The following CFI variants were observed in gnomAD, a reference collection of about 807,000 sequenced individuals.
CFI encodes the protein complement factor I.
In CFI, 66 loss-of-function variants were observed where a neutral mutation model predicts 78.8. The observed-to-expected ratio is 0.84, with a 90% confidence interval of 0.69 to 1.03. The LOEUF is 1.03. Among genes scored for constraint, CFI ranks in the 50% least tolerant of loss-of-function variants. CFI has a pLI of 0.00. For missense variants in CFI, 706 were observed against 704.5 expected (o/e 1.00, Z -0.02); for synonymous variants, 250 against 232.6 (o/e 1.07, Z -0.68).
In CFI at chr4:109,741,075, C is replaced by A. The variant is rs1289756969; in HGVS notation, c.1570G>T (p.Asp524Tyr). The A allele has an allele frequency of 3.1e-6, 5 of 1,614,158 alleles. No individual in the cohort carries two copies. Among genetic ancestry groups the A allele is most frequent in the Non-Finnish European group, 4.2e-6 (5 of 1,180,010 alleles). ...ATACAGACTAAGGGGCCTCCAGAGT[C>A]CCCTTTACAGGCATCGATGGAACCA... is the stretch of plus-strand genomic sequence containing the variant. ...YDGSIDACKGDSGGPLVCMDA... is the reference protein window; with the variant it reads ...YDGSIDACKGYSGGPLVCMDA... The change falls in exon 13 of 13, where the codon GAC becomes TAC. Residue 524 changes from aspartate (D) to tyrosine (Y), a missense_variant. By Grantham distance (160) the Asp-to-Tyr change is radical. Transcript: ENST00000394634.
rs1269756063 is a variant in CFI, at chr4:109,775,195, T to C, written c.58-8371A>G. ...AGTGGGTACAGCCCATGGAGCAGGG[T>C]GGGGCATCGCCTCACCCGGGAAGTG... On this transcript the variant is annotated intron_variant, in intron 1 of 12. Transcript: ENST00000394634. Among the ~76,000 whole-genome samples the C allele has an allele frequency of 2.6e-5, 4 of 151,932 alleles. No homozygotes were observed. In the South Asian group the frequency reaches 8.3e-4, roughly 32 times the overall value.
intron 2 of CFI, 92 bp downstream of exon 2, chr4:109,766,462 A>G: frequency 6.8e-7 from 1 of 1,475,994 alleles, no homozygotes; most frequent in Non-Finnish European, 9.4e-7. Context: ...TGTCATCATA[A>G]CATACACAAG....
chr4:109,780,333 G>A (rs28828376), intron 1 of CFI, among the ~76,000 whole-genome samples: 2,163 of 152,160 alleles, frequency 0.014, 50 homozygotes, highest in African/African-American at 0.05. Flanking sequence ...AAAAGTGGTC[G>A]AAGGATATGA....
intron 1 of CFI, among the ~76,000 whole-genome samples, chr4:109,768,158 G>A (rs1475532590): frequency 4.0e-5 from 6 of 149,682 alleles, no homozygotes; most frequent in Non-Finnish European, 7.4e-5. Context: ...GGGAAGGATA[G>A]CATTTGGAGA....
intron 1 of CFI, among the ~76,000 whole-genome samples, chr4:109,786,705 C>T (rs953952614): frequency 4.6e-5 from 7 of 152,040 alleles, no homozygotes; most frequent in African/African-American, 1.7e-4. Context: ...TGACTTTATC[C>T]TTCTGATCCT....
chr4:109,752,904 A>G (rs1160478768), intron 7 of CFI, among the ~76,000 whole-genome samples: 7 of 128,088 alleles, frequency 5.5e-5, no homozygotes, highest in South Asian at 2.1e-4. Context: ...TTTATTATAT[A>G]AATAAATATT....
chr4:109,755,287 A>G (rs10020460), intron 7 of CFI, among the ~76,000 whole-genome samples: 147,691 of 152,262 alleles, frequency 0.97, 71,795 homozygotes, highest in East Asian at 1. Context: ...GGGTTGAAGA[A>G]AACCCGCAGG....
chr4:109,790,049 T>C (rs578206541), intron 1 of CFI, among the ~76,000 whole-genome samples: 1 of 152,208 alleles, frequency 6.6e-6, no homozygotes, highest in African/African-American at 2.4e-5. Context: ...TGGTGATTTG[T>C]GTGTTTCTAG....
downstream of CFI, among the ~76,000 whole-genome samples, chr4:109,738,141 G>A (rs137960623): frequency 4.3e-3 from 609 of 142,670 alleles, 4 homozygotes; most frequent in African/African-American, 0.015. Context: ...TTAAGACGAG[G>A]TCTTGATCTG....
At chr4:109,760,035 T>C in intron 6 of CFI, 1 of 664,286 alleles carries the variant, frequency 1.5e-6, no homozygotes, top group Admixed American at 2.1e-5. Flanking sequence ...TAATGGTCTA[T>C]TTTTTGTATG....
chr4:109,797,779 A>G (rs1336035301), intron 1 of CFI, among the ~76,000 whole-genome samples: 1 of 152,234 alleles, frequency 6.6e-6, no homozygotes, highest in Non-Finnish European at 1.5e-5. Context: ...TTCTTCAAAT[A>G]AGATATGTAA....
At chr4:109,757,731 T>C in intron 7 of CFI, 32 bp downstream of exon 7, 1 of 1,353,480 alleles carries the variant, frequency 7.4e-7, no homozygotes, top group Non-Finnish European at 1.0e-6. Context: ...TTTCAATTTT[T>C]TAATATCCCC....
At chr4:109,736,654 C>T (rs996677154), downstream of CFI, among the ~76,000 whole-genome samples, 4 of 152,092 alleles carry the variant, frequency 2.6e-5, no homozygotes, top group Non-Finnish European at 4.4e-5. Context: ...TTTGTATGCA[C>T]AATGTAAGAT....
At chr4:109,743,693 T>A (rs1442395346) in intron 11 of CFI, among the ~76,000 whole-genome samples, 2 of 152,134 alleles carry the variant, frequency 1.3e-5, no homozygotes, top group Non-Finnish European at 2.9e-5. Context: ...ATGAAGTACA[T>A]GGAATAAGGG....
rs116884041 is a variant in CFI, at chr4:109,777,223, A to T, written c.58-10399T>A. Among the ~76,000 whole-genome samples, 13 of 152,328 alleles carry T rather than the reference A, an allele frequency of 8.5e-5. No individual in the cohort carries two copies. In the East Asian group the frequency reaches 2.5e-3, roughly 29 times the overall value. ...ACCCATCAGTGTGCTGTATTCGGGAAACGCATCTATGTGTGCAGAGACACA... is the reference window on the plus strand; with the variant it reads ...ACCCATCAGTGTGCTGTATTCGGGATACGCATCTATGTGTGCAGAGACACA... On this transcript the variant is annotated intron_variant, in intron 1 of 12. Coordinates refer to ENST00000394634, the MANE Select transcript of CFI (RefSeq NM_000204.5).
chr4:109,735,345 T>G, the CFI span, among the ~76,000 whole-genome samples: 1 of 152,210 alleles, frequency 6.6e-6, no homozygotes, highest in East Asian at 1.9e-4. Context: ...CCAAATGGTT[T>G]CTTCTATATA....
chr4:109,743,146 A>G (rs1724007711), intron 11 of CFI, among the ~76,000 whole-genome samples: 1 of 152,076 alleles, frequency 6.6e-6, no homozygotes, highest in African/African-American at 2.4e-5. Context: ...GATCTGCCCC[A>G]CTCAGCCTCC....
intron 1 of CFI, chr4:109,794,097 A>C (rs1259332293): frequency 6.6e-6 from 1 of 152,154 alleles, no homozygotes; most frequent in East Asian, 1.9e-4. Flanking sequence ...ATTTGATTAT[A>C]ATGTGTCTTG....
intron 1 of CFI, among the ~76,000 whole-genome samples, chr4:109,767,184 G>A (rs1251533927): frequency 6.6e-6 from 1 of 152,092 alleles, no homozygotes; most frequent in African/African-American, 2.4e-5. Flanking sequence ...AACCCTAGAA[G>A]AAAACCTAGG....
Sources: allele counts gnomAD v4.1 joint callset (sites outside exome capture counted in the v4.1 genomes callset), GRCh38; gene constraint gnomAD v4.1.1; transcripts MANE v1.5; gene names NCBI Gene and HGNC (gene_info 2026-07-23, HGNC 2026-07-21).